SYNPO: variants seen among roughly 807,000 people sequenced by gnomAD.
SYNPO encodes the protein synaptopodin.
A neutral mutation model predicts 49.5 loss-of-function variants in SYNPO; 19 were observed. The observed-to-expected ratio is 0.38, with a 90% CI of 0.27 to 0.56. The LOEUF is 0.56. Ranked by LOEUF, SYNPO falls within the 20% of genes least tolerant of loss-of-function variation. The probability of loss-of-function intolerance (pLI) is 0.68; values close to 1 mark genes in which losing one functional copy is unlikely to be tolerated. For synonymous variants in SYNPO, 536 were observed against 548.0 expected (o/e 0.98, Z 0.31); for missense variants, 1,131 against 1,248.3 (o/e 0.91, Z 1.42).
At chr5:150,652,082 CAG>C (rs1223475318) in intron 2 of SYNPO, 5 of 1,000,052 alleles carry the variant, frequency 5.0e-6, no homozygotes, top group Non-Finnish European at 6.0e-6. Flanking sequence ...TCCATGGGAA[CAG>C]GGGTGCCTTC....
chr5:150,602,997 G>GGGGTGTGTGTGTGTGT (rs1554106602), intron 1 of SYNPO, among the ~76,000 whole-genome samples: 11 of 131,252 alleles, frequency 8.4e-5, no homozygotes, highest in Middle Eastern at 3.9e-3. Flanking sequence ...GCCACCTTAG[G>GGGGTGTGTGTGTGTGT]GTGTGTGTGT....
At chr5:150,590,188 T>C in the SYNPO span, among the ~76,000 whole-genome samples, 1 of 152,256 alleles carries the variant, frequency 6.6e-6, no homozygotes, top group Admixed American at 6.5e-5. Flanking sequence ...AGCTGGAGCC[T>C]GCCTCTGCCT....
Position 150,657,004 on chromosome 5 carries a change from T to A in SYNPO, c.2629T>A (p.Tyr877Asn), listed in dbSNP as rs749938894. Residue 877 changes from tyrosine to asparagine, a missense_variant, in exon 3 of 3, where the codon TAC becomes AAC. By Grantham distance (143) the Tyr-to-Asn change is moderately radical. This residue lies in a region of SYNPO where 509 missense variants were observed against 484.5 expected (regional missense o/e 1.05). Coordinates refer to ENST00000307662, the MANE Select transcript of SYNPO (RefSeq NM_007286.6). ...GGCTAAGTCTCCAGGCATCCTGGGCTACAATATCTGTCCCCGCGGGTGGAA... is the reference window on the plus strand; with the variant it reads ...GGCTAAGTCTCCAGGCATCCTGGGCAACAATATCTGTCCCCGCGGGTGGAA... Reference protein sequence around the residue: ...SGAKSPGILGYNICPRGWNGS... With the variant: ...SGAKSPGILGNNICPRGWNGS... 4 of 1,602,702 alleles carry A rather than the reference T, an allele frequency of 2.5e-6. No individual in the cohort carries two copies. In the Admixed American group the frequency reaches 6.8e-5, roughly 27 times the overall value.
Position 150,656,462 on chromosome 5 carries a change from C to T in SYNPO, c.2087C>T (p.Pro696Leu), listed in dbSNP as rs1244756063. 1 of 1,532,950 alleles carries T rather than the reference C, an allele frequency of 6.5e-7. No homozygotes were observed. The allele number at this position is 1,532,950 out of a possible 1,614,324, so 95.0% of individuals were successfully genotyped here. A position where few individuals can be genotyped will look rare whatever the true frequency, so the allele number is the denominator to read the frequency against. ...TGGACGCCGGGCGCGTCCCGGCCCC[C>T]CAGCAGCCTAGACGGCTGGGTGAGC... Reference protein sequence around the residue: ...PPWTPGASRPPSSLDGWVSPG... With the variant: ...PPWTPGASRPLSSLDGWVSPG... The change falls in exon 3 of 3, where the codon CCC (proline) becomes CTC (leucine). Residue 696 changes from proline (P) to leucine (L), a missense_variant. Pro to Leu is a moderately conservative substitution (Grantham distance 98). Around this residue, in one of 4 missense-constraint regions of SYNPO, gnomAD observed 509 missense variants for 484.5 expected, o/e 1.05. Coordinates refer to ENST00000307662, the MANE Select transcript of SYNPO (RefSeq NM_007286.6).
upstream of SYNPO, among the ~76,000 whole-genome samples, chr5:150,598,704 C>T (rs1241729186): frequency 2.0e-5 from 3 of 152,104 alleles, no homozygotes; most frequent in Non-Finnish European, 4.4e-5. Context: ...AACCCCCTTT[C>T]TAAAGAGGCC....
At chr5:150,611,519 A>G (rs1467235265) in intron 1 of SYNPO, among the ~76,000 whole-genome samples, 3 of 152,150 alleles carry the variant, frequency 2.0e-5, no homozygotes, top group African/African-American at 7.2e-5. Context: ...ACCTCGTGCC[A>G]AGGGCTGGTT....
intron 2 of SYNPO, among the ~76,000 whole-genome samples, chr5:150,619,527 T>C (rs1757086321): frequency 6.6e-6 from 1 of 152,178 alleles, no homozygotes; most frequent in African/African-American, 2.4e-5. Flanking sequence ...CAGCGGCTGC[T>C]GTCTGCAGAG....
chr5:150,623,296 A>G (rs1054720647), intron 2 of SYNPO, among the ~76,000 whole-genome samples: 8 of 152,118 alleles, frequency 5.3e-5, no homozygotes, highest in African/African-American at 1.9e-4. Flanking sequence ...ACTGTCACAC[A>G]CCTACGTACA....
upstream of SYNPO, chr5:150,640,051 A>G (rs1757844964): frequency 8.5e-6 from 7 of 818,828 alleles, no homozygotes; most frequent in African/African-American, 9.3e-5. Context: ...CGTCTTCTCT[A>G]ATATGGAGAT....
At position 150,647,244 on chromosome 5, in the gene SYNPO, C is replaced by CAAA. The variant is rs34332479; in HGVS notation, c.-332-685_-332-683dup. ...GGCGACAAGAGCAAAAACTCCTTCTCAAAAAAAAAAAAAAAAAGTCAGGCA... is the reference window on the plus strand; with the variant it reads ...GGCGACAAGAGCAAAAACTCCTTCTCAAAAAAAAAAAAAAAAAAAAGTCAGGCA... On this transcript the variant is annotated intron_variant, in intron 1 of 2. Coordinates refer to ENST00000307662, the MANE Select transcript of SYNPO (RefSeq NM_007286.6). Among the ~76,000 whole-genome samples the CAAA allele has an allele frequency of 5.8e-3, 494 of 85,682 alleles. 4 individuals are homozygous for CAAA. Among genetic ancestry groups the CAAA allele is most frequent in the African/African-American group, 0.016 (471 of 29,798 alleles). 56.2% of individuals were successfully genotyped at this position (85,682 alleles called of 152,430 possible). A position where few individuals can be genotyped will look rare whatever the true frequency, so the allele number is the denominator to read the frequency against.
At chr5:150,631,943 G>A (rs947547316) in intron 2 of SYNPO, among the ~76,000 whole-genome samples, 8 of 152,114 alleles carry the variant, frequency 5.3e-5, no homozygotes, top group African/African-American at 1.9e-4. Flanking sequence ...GACAAAGGAG[G>A]GTCAGCTTGT....
intron 2 of SYNPO, chr5:150,652,180 A>G (rs1254940448): frequency 2.0e-6 from 2 of 1,001,404 alleles, no homozygotes; most frequent in East Asian, 1.1e-4. Context: ...GGCCTCTCCC[A>G]GAACAGAGTG....
At chr5:150,647,783 C>T (rs757571002) in intron 1 of SYNPO, among the ~76,000 whole-genome samples, 161 bp from the exon 2 acceptor site, 17 of 152,136 alleles carry the variant, frequency 1.1e-4, no homozygotes, top group Non-Finnish European at 1.0e-4. Flanking sequence ...GGGCTGATTA[C>T]GAAGTGAGCT....
Position 150,650,299 on chromosome 5 carries a change from C to T in SYNPO, c.2024C>T (p.Ala675Val), listed in dbSNP as rs1399332590. 27 of 1,614,010 alleles carry T rather than the reference C, an allele frequency of 1.7e-5. No individual in the cohort carries two copies. Among genetic ancestry groups the T allele is most frequent in the Non-Finnish European group, 2.2e-5 (26 of 1,180,048 alleles). ...SFSTRNAGIE[A>V]QDRRESLPTS... ...TCTACCCGGAACGCCGGGATCGAGGCTCAGGTGTGGAAGCCTTCCTTCTGC... is the reference window on the plus strand; with the variant it reads ...TCTACCCGGAACGCCGGGATCGAGGTTCAGGTGTGGAAGCCTTCCTTCTGC... The change falls in exon 2 of 3, where the codon GCT becomes GTT. Residue 675 changes from alanine to valine, a missense_variant. Ala to Val is a moderately conservative substitution (Grantham distance 64). This residue lies in a region of SYNPO where 509 missense variants were observed against 484.5 expected (regional missense o/e 1.05). Transcript: ENST00000307662.
chr5:150,623,168 C>G (rs949645060), intron 2 of SYNPO, among the ~76,000 whole-genome samples: 1 of 152,312 alleles, frequency 6.6e-6, no homozygotes, highest in Non-Finnish European at 1.5e-5. Context: ...CACACATATT[C>G]CCTCTCATAG....
chr5:150,610,970 C>A (rs1369878327), intron 1 of SYNPO, among the ~76,000 whole-genome samples: 1 of 152,118 alleles, frequency 6.6e-6, no homozygotes, highest in Non-Finnish European at 1.5e-5. Flanking sequence ...GCTTATGTTT[C>A]TAAGTTTGTC....
Position 150,648,193 on chromosome 5 carries a change from T to C in SYNPO, c.-83T>C. ...CCAGGCCATGCACCGGGGCTCAGCCTGAGTTCCACCTCGCTGCCGGAGCCA... is the reference window on the plus strand; with the variant it reads ...CCAGGCCATGCACCGGGGCTCAGCCCGAGTTCCACCTCGCTGCCGGAGCCA... On this transcript the variant is annotated 5_prime_UTR_variant, in exon 2 of 3. It removes the in-frame stop codon of an upstream open reading frame in the 5' UTR. Coordinates refer to ENST00000307662, the MANE Select transcript of SYNPO (RefSeq NM_007286.6). This position sits in a 1 kb window ranked among gnomAD's most constrained non-coding sequence, Gnocchi z 5.0. The C allele has an allele frequency of 6.3e-7, 1 of 1,586,172 alleles. No homozygotes were observed. Among genetic ancestry groups the C allele is most frequent in the Non-Finnish European group, 8.6e-7 (1 of 1,165,726 alleles).
In SYNPO at chr5:150,649,079, G is replaced by T. The variant is rs1581511562; in HGVS notation, c.804G>T (p.Lys268Asn). ...TAGAGAGACGACATTTTGGGGAGAA[G>T]GCCCCGGCTCCCCAGCCCCCCAGTT... ...PMLERRHFGE[K>N]APAPQPPSLP... Residue 268 changes from lysine (K) to asparagine (N), a missense_variant, in exon 2 of 3, where the codon AAG becomes AAT. Physicochemically the swap from Lys to Asn is moderately conservative, Grantham distance 94. Transcript: ENST00000307662. The T allele has an allele frequency of 6.2e-7, 1 of 1,613,880 alleles. No homozygotes were observed. Among genetic ancestry groups the T allele is most frequent in the Non-Finnish European group, 8.5e-7 (1 of 1,179,828 alleles).
chr5:150,596,753 G>C (rs1756431681), upstream of SYNPO, among the ~76,000 whole-genome samples: 1 of 152,164 alleles, frequency 6.6e-6, no homozygotes, highest in Non-Finnish European at 1.5e-5. Flanking sequence ...CTCCTGCTGA[G>C]CAAGGGTAGG....
Sources: allele counts gnomAD v4.1 joint callset (sites outside exome capture counted in the v4.1 genomes callset), GRCh38; gene constraint gnomAD v4.1.1; regional missense constraint gnomAD v4.1.1; non-coding constraint Gnocchi (gnomAD v3.1); transcripts MANE v1.5; gene names NCBI Gene and HGNC (gene_info 2026-07-23, HGNC 2026-07-21).